The following LRRC9 variants were observed in gnomAD, a reference collection of about 807,000 sequenced individuals.
LRRC9 encodes the protein leucine rich repeat containing 9.
In LRRC9, 122 loss-of-function variants were observed where a neutral mutation model predicts 63.2. The ratio of observed to expected loss-of-function variants is 1.93; its 90% CI spans 1.67 to 2.24. The LOEUF (loss-of-function observed/expected upper bound fraction) is 2.24, where lower values mean the gene tolerates loss of function less well. Ranked by LOEUF, LRRC9 falls within the 30% of genes most tolerant of loss-of-function variation. LRRC9 has a pLI of 0.00. For missense variants in LRRC9, 1,071 were observed against 627.7 expected (o/e 1.71, Z -7.55); for synonymous variants, 366 against 213.1 (o/e 1.72, Z -6.25).
chr14:60,022,894 A>G lies in LRRC9; in HGVS notation c.3703+24A>G, dbSNP rs995792983. 2.1e-5 allele frequency: 11 copies of G among 535,616 alleles called. 1 individual carries two copies. The highest frequency in any genetic ancestry group is 1.4e-4 in the African/African-American group (7 of 51,314). The allele number at this position is 535,616 out of a possible 1,614,324, so 33.2% of individuals were successfully genotyped here. A position where few individuals can be genotyped will look rare whatever the true frequency, so the allele number is the denominator to read the frequency against. Reference sequence around the variant, plus strand: ...GGGTGAGTAGAAACACTGTTACTGTATAAGTCTTTATTTTTAAAAACTGAT... The same window carrying G: ...GGGTGAGTAGAAACACTGTTACTGTGTAAGTCTTTATTTTTAAAAACTGAT... On this transcript the variant is annotated intron_variant, in intron 27 of 31. Transcript: ENST00000445360.
chr14:59,934,455 C>G (rs1191341908), intron 6 of LRRC9, among the ~76,000 whole-genome samples: 1 of 152,120 alleles, frequency 6.6e-6, no homozygotes, highest in East Asian at 1.9e-4. Flanking sequence ...GCAGTCATAC[C>G]TTACAATCTT....
intron 8 of LRRC9, among the ~76,000 whole-genome samples, chr14:59,954,135 G>T (rs963031515): frequency 1.3e-5 from 2 of 152,100 alleles, no homozygotes; most frequent in Admixed American, 1.3e-4. Flanking sequence ...AATTGTTTTG[G>T]CTATACAGGC....
At chr14:60,024,583 T>C (rs187863778) in intron 27 of LRRC9, among the ~76,000 whole-genome samples, 2 of 152,044 alleles carry the variant, frequency 1.3e-5, no homozygotes, top group African/African-American at 4.8e-5. Flanking sequence ...AAAATTTGAA[T>C]GCATCTATCA....
In LRRC9 at chr14:59,928,220, T is replaced by G. The variant is rs1044901645; in HGVS notation, c.49-48T>G. The G allele has an allele frequency of 1.4e-5, 8 of 565,588 alleles. No individual in the cohort carries two copies. The Admixed American group carries it at 2.1e-4, about 15-fold the overall frequency. The allele number at this position is 565,588 out of a possible 1,614,324, so 35.0% of individuals were successfully genotyped here. On this transcript the variant is annotated intron_variant, in intron 2 of 31. Coordinates refer to ENST00000445360, the Ensembl canonical transcript of LRRC9. ...AATTTCTAATGGTAAAAGTCATCTT[T>G]TAATTATTTAAAATAGGTAATGACC...
chr14:60,056,924 C>T (rs932474916), intron 30 of LRRC9, among the ~76,000 whole-genome samples: 2 of 152,146 alleles, frequency 1.3e-5, no homozygotes, highest in Admixed American at 6.5e-5. Context: ...TCTTTTAAAC[C>T]AAAACATTTT....
At position 59,951,895 on chromosome 14, in the gene LRRC9, C is replaced by G. The variant is rs886907175; in HGVS notation, c.882+7151C>G. Among the ~76,000 whole-genome samples the G allele has an allele frequency of 7.2e-4, 110 of 152,286 alleles. 1 individual carries two copies. Among genetic ancestry groups the G allele is most frequent in the Non-Finnish European group, 1.3e-3 (86 of 68,044 alleles). On this transcript the variant is annotated intron_variant, in intron 8 of 31. Transcript: ENST00000445360. ...GCTGCGTTCTGGGAGAACCACTGCT[C>G]TCTTCAAAGCTGTCAGACAGGGACA...
chr14:60,042,868 A>C lies in LRRC9; in HGVS notation c.3991-10197A>C, dbSNP rs1277840518. Reference sequence around the variant, plus strand: ...AGACTGGAGCTGTTCCTATTAGGCCATCTTGGAACCTCCCATGTATTGTCA... The same window carrying C: ...AGACTGGAGCTGTTCCTATTAGGCCCTCTTGGAACCTCCCATGTATTGTCA... On this transcript the variant is annotated intron_variant, in intron 29 of 31. Transcript: ENST00000445360. The surrounding 1 kb of genome is among the most constrained non-coding windows in gnomAD (Gnocchi z 4.2). 2.0e-5 allele frequency among the ~76,000 whole-genome samples: 3 copies of C among 152,164 alleles called. No individual in the cohort carries two copies. The highest frequency in any genetic ancestry group is 4.4e-5 in the Non-Finnish European group (3 of 68,038).
rs1265886739 is a variant in LRRC9, at chr14:59,960,043, T to C, written c.1079+29T>C. On this transcript the variant is annotated intron_variant, in intron 9 of 31. Coordinates refer to ENST00000445360, the Ensembl canonical transcript of LRRC9. Reference sequence around the variant, plus strand: ...TGTTTAATTAATTATCTAGTTGTTCTGATCTGAAATGGAGAGAATCAGAAT... The same window carrying C: ...TGTTTAATTAATTATCTAGTTGTTCCGATCTGAAATGGAGAGAATCAGAAT... 4.8e-6 allele frequency: 3 copies of C among 618,638 alleles called. No individual in the cohort carries two copies. The African/African-American group carries it at 5.5e-5, about 11-fold the overall frequency. The allele number at this position is 618,638 out of a possible 1,614,324, so 38.3% of individuals were successfully genotyped here.
chr14:59,999,220 T>C, exon 19 of LRRC9: 2 of 699,734 alleles, frequency 2.9e-6, no homozygotes, highest in Non-Finnish European at 5.2e-6. Flanking sequence ...GAACAAGGAT[T>C]ACTCAGGTTG....
rs970879926 is a variant in LRRC9, at chr14:59,977,209, G to GT, written c.1640-9dup. ...TTAATTATTCTTAAGAATTACTTCT[G>GT]TTTTTTTATATTTAGGCATCCTCCT... On this transcript the variant is annotated splice_polypyrimidine_tract_variant and intron_variant, in intron 13 of 31. Coordinates refer to ENST00000445360, the Ensembl canonical transcript of LRRC9. 18 of 661,606 alleles carry GT rather than the reference G, an allele frequency of 2.7e-5. No individual in the cohort carries two copies. The highest frequency in any genetic ancestry group is 1.6e-4 in the African/African-American group (9 of 54,820). 41.0% of individuals were successfully genotyped at this position (661,606 alleles called of 1,614,324 possible). A position where few individuals can be genotyped will look rare whatever the true frequency, so the allele number is the denominator to read the frequency against.
Position 59,990,890 on chromosome 14 carries a change from ACATGAATAC to A in LRRC9, c.2211+5671_2211+5679del, listed in dbSNP as rs1279748057. On this transcript the variant is annotated intron_variant, in intron 17 of 31. Transcript: ENST00000445360. This position sits in a 1 kb window ranked among gnomAD's most constrained non-coding sequence, Gnocchi z 4.2. ...TGCCCTGACACTTCCTTCTTCTCCC[ACATGAATAC>A]CATGCAGGTCTTGTGTTGATGGTGG... is the stretch of plus-strand genomic sequence containing the variant. Among the ~76,000 whole-genome samples, 1 of 152,202 alleles carries A rather than the reference ACATGAATAC, an allele frequency of 6.6e-6. No individual in the cohort carries two copies. The highest frequency in any genetic ancestry group is 2.4e-5 in the African/African-American group (1 of 41,436).
rs1039670916 is a variant in LRRC9, at chr14:60,031,664, T to C, written c.3922-331T>C. On this transcript the variant is annotated intron_variant, in intron 28 of 31. Transcript: ENST00000445360. This position sits in a 1 kb window ranked among gnomAD's most constrained non-coding sequence, Gnocchi z 4.6. ...GATTCACCTTTTCCATACTTTCTGG[T>C]CAATGTGCTGGAGGAATTAACCAAA... Among the ~76,000 whole-genome samples, 10 of 152,026 alleles carry C rather than the reference T, an allele frequency of 6.6e-5. No individual in the cohort carries two copies. Among genetic ancestry groups the C allele is most frequent in the Non-Finnish European group, 1.0e-4 (7 of 67,956 alleles).
chr14:59,966,502 C>G lies in LRRC9; in HGVS notation c.1212-87C>G. The G allele has an allele frequency of 2.1e-6, 1 of 472,236 alleles. No individual in the cohort carries two copies. Among genetic ancestry groups the G allele is most frequent in the Non-Finnish European group, 3.8e-6 (1 of 265,534 alleles). The allele number at this position is 472,236 out of a possible 1,614,324, so 29.3% of individuals were successfully genotyped here. A position where few individuals can be genotyped will look rare whatever the true frequency, so the allele number is the denominator to read the frequency against. On this transcript the variant is annotated intron_variant, in intron 10 of 31. Coordinates refer to ENST00000445360, the Ensembl canonical transcript of LRRC9. The surrounding 1 kb of genome is among the most constrained non-coding windows in gnomAD (Gnocchi z 4.0). Reference sequence around the variant, plus strand: ...AAAAGACACAAAATATGAGCTATAACTTTTATCACGTAGTTTTCTGTTCTT... The same window carrying G: ...AAAAGACACAAAATATGAGCTATAAGTTTTATCACGTAGTTTTCTGTTCTT...
At chr14:60,040,135 T>A (rs895262336) in intron 29 of LRRC9, among the ~76,000 whole-genome samples, 9 of 151,266 alleles carry the variant, frequency 5.9e-5, no homozygotes, top group African/African-American at 2.2e-4. Context: ...GAGACAGTTA[T>A]AATTTCTGTT....
At chr14:59,946,051 T>G (rs1245881636) in intron 8 of LRRC9, among the ~76,000 whole-genome samples, 1 of 151,752 alleles carries the variant, frequency 6.6e-6, no homozygotes, top group Non-Finnish European at 1.5e-5. Context: ...CTTCTAGCAC[T>G]CTATTGTAAA....
rs142322744 is a variant in LRRC9, at chr14:60,013,083, A to G, written c.3187-3577A>G. On this transcript the variant is annotated intron_variant, in intron 23 of 31. Coordinates refer to ENST00000445360, the Ensembl canonical transcript of LRRC9. The stretch of plus-strand genomic sequence containing the variant: ...ATTAACTCGTCATTTAGCATTAGGT[A>G]TATCTCCTAATGCTATCCCTCCCCC... 4.8e-3 allele frequency among the ~76,000 whole-genome samples: 731 copies of G among 150,870 alleles called. 12 individuals are homozygous for G. Among genetic ancestry groups the G allele is most frequent in the African/African-American group, 0.017 (688 of 41,104 alleles).
intron 19 of LRRC9, 27 bp from the exon 20 acceptor site, chr14:60,001,939 T>A (rs1472695105): frequency 3.2e-6 from 2 of 632,308 alleles, no homozygotes; most frequent in Admixed American, 2.6e-5. Flanking sequence ...GTTTCCTTTT[T>A]TCACTGTATT....
intron 7 of LRRC9, among the ~76,000 whole-genome samples, chr14:59,941,274 G>GAGA (rs992612826): frequency 6.6e-6 from 1 of 151,904 alleles, no homozygotes; most frequent in African/African-American, 2.4e-5. Flanking sequence ...TGGGGCAACT[G>GAGA]AGAAGATGGG....
intron 1 of LRRC9, chr14:59,920,148 T>G (rs889940338): frequency 1.3e-5 from 2 of 152,174 alleles, no homozygotes; most frequent in African/African-American, 4.8e-5. Flanking sequence ...ACAGGCAGTC[T>G]GTACACACCA....
Sources: gnomAD v4.1 joint callset for allele counts (sites outside exome capture counted in the v4.1 genomes callset) on GRCh38, gnomAD v4.1.1 for gene constraint, Gnocchi (gnomAD v3.1) non-coding constraint, MANE v1.5 for transcripts, NCBI Gene and HGNC (gene_info 2026-07-23, HGNC 2026-07-21) for gene names.